The following ANGPT2 variants were observed in gnomAD, a reference collection of about 807,000 sequenced individuals.
ANGPT2 encodes the protein angiopoietin 2.
ANGPT2 carries 28 observed loss-of-function variants against 62.9 expected under a neutral mutation model. The observed-to-expected ratio is 0.44, with a 90% confidence interval of 0.33 to 0.61. ANGPT2 has a LOEUF of 0.61. ANGPT2 is among the 20% of genes least tolerant of loss of function. The probability of loss-of-function intolerance (pLI) is 0.03; values close to 1 mark genes in which losing one functional copy is unlikely to be tolerated. For synonymous variants in ANGPT2, 284 were observed against 207.8 expected, an observed-to-expected ratio of 1.37 and a Z score of -3.15; for missense variants, 727 against 594.9, an observed-to-expected ratio of 1.22 and a Z score of -2.31.
chr8:6,536,247 T>C (rs768579901), intron 1 of ANGPT2, among the ~76,000 whole-genome samples: 2 of 152,040 alleles, frequency 1.3e-5, no homozygotes, highest in African/African-American at 2.4e-5. Flanking sequence ...AGGTACTGTT[T>C]CTTGGTTGCC....
chr8:6,502,410 CA>C lies in ANGPT2; in HGVS notation c.*690del, dbSNP rs1251300755. 6.6e-6 allele frequency: 1 copy of C among 152,140 alleles called. No individual in the cohort carries two copies. The highest frequency in any genetic ancestry group is 1.5e-5 in the Non-Finnish European group (1 of 68,024). 9.4% of individuals were successfully genotyped at this position (152,140 alleles called of 1,614,324 possible). On this transcript the variant is annotated 3_prime_UTR_variant, in exon 9 of 9. Transcript: ENST00000629816. ...AATGGCACGTTTCTGTTGATAATTTCAGAGATTCTGGAAGTTTCTACCATAT... is the reference window on the plus strand; with the variant it reads ...AATGGCACGTTTCTGTTGATAATTTCGAGATTCTGGAAGTTTCTACCATAT...
Position 6,521,200 on chromosome 8 carries a change from C to T in ANGPT2, c.777G>A (p.Leu259=). ...HDLMETVNNL[L]TMMSTSNSKD... ...TACAGTTTGATGTGGACATCATAGTCAGTAAGTTATTAACTGTCTCCATGA... is the reference window on the plus strand; with the variant it reads ...TACAGTTTGATGTGGACATCATAGTTAGTAAGTTATTAACTGTCTCCATGA... The change falls in exon 4 of 9, where the codon CTG becomes CTA. Residue 259 remains leucine, a synonymous_variant. Transcript: ENST00000629816. The T allele has an allele frequency of 1.2e-6, 2 of 1,613,632 alleles. No individual in the cohort carries two copies. The highest frequency in any genetic ancestry group is 1.7e-6 in the Non-Finnish European group (2 of 1,179,748).
intron 1 of ANGPT2, among the ~76,000 whole-genome samples, chr8:6,549,272 G>A (rs1456066785): frequency 6.6e-6 from 1 of 152,200 alleles, no homozygotes; most frequent in Non-Finnish European, 1.5e-5. Flanking sequence ...AACACTGCAC[G>A]GTGATGGAAA....
chr8:6,521,856 C>A (rs1339480845), intron 3 of ANGPT2, among the ~76,000 whole-genome samples: 1 of 152,126 alleles, frequency 6.6e-6, no homozygotes, highest in Non-Finnish European at 1.5e-5. Flanking sequence ...AATATTAATC[C>A]TAATGATAAT....
intron 7 of ANGPT2, among the ~76,000 whole-genome samples, 185 bp downstream of exon 7, chr8:6,513,493 T>C (rs974655001): frequency 6.6e-5 from 10 of 151,976 alleles, no homozygotes; most frequent in African/African-American, 1.2e-4. Context: ...CCACCACACC[T>C]GGCTAATTTT....
chr8:6,531,580 C>G (rs916296637), intron 2 of ANGPT2, among the ~76,000 whole-genome samples: 2 of 152,196 alleles, frequency 1.3e-5, no homozygotes, highest in African/African-American at 4.8e-5. Context: ...GCGTGAGCTA[C>G]TGCGCCTGGC....
Position 6,562,958 on chromosome 8 carries a change from A to T in ANGPT2, c.-24T>A. ...ATTCTTTCTTCAGTAATAAACCAGCAGCTTAGCAAACTTGAGGGCAAACAC... is the reference window on the plus strand; with the variant it reads ...ATTCTTTCTTCAGTAATAAACCAGCTGCTTAGCAAACTTGAGGGCAAACAC... On this transcript the variant is annotated 5_prime_UTR_variant, in exon 1 of 9. Coordinates refer to ENST00000629816, the MANE Select transcript of ANGPT2 (RefSeq NM_001118887.2). 6.4e-7 allele frequency: 1 copy of T among 1,557,394 alleles called. No individual in the cohort carries two copies. The highest frequency in any genetic ancestry group is 8.7e-7 in the Non-Finnish European group (1 of 1,143,122).
intron 7 of ANGPT2, among the ~76,000 whole-genome samples, chr8:6,510,681 A>G (rs565895574): frequency 2.0e-5 from 3 of 152,294 alleles, no homozygotes; most frequent in African/African-American, 4.8e-5. Flanking sequence ...TTTGCACCAG[A>G]TGCAGCAAAT....
intron 7 of ANGPT2, among the ~76,000 whole-genome samples, chr8:6,509,635 G>A (rs1171096572): frequency 5.3e-5 from 8 of 152,178 alleles, no homozygotes; most frequent in South Asian, 2.1e-4. Flanking sequence ...AACAAATGTC[G>A]GAGTAAGTTA....
chr8:6,555,099 A>G (rs907365854), intron 1 of ANGPT2, among the ~76,000 whole-genome samples: 1 of 152,138 alleles, frequency 6.6e-6, no homozygotes, highest in Non-Finnish European at 1.5e-5. Context: ...ATTCTAAACC[A>G]CTACCCATGA....
At chr8:6,531,908 T>C (rs2129571729) in intron 2 of ANGPT2, among the ~76,000 whole-genome samples, 1 of 152,334 alleles carries the variant, frequency 6.6e-6, no homozygotes, top group African/African-American at 2.4e-5. Context: ...GGTTTTATCT[T>C]AACTCAAGAG....
At chr8:6,539,447 G>A (rs1433794039) in intron 1 of ANGPT2, among the ~76,000 whole-genome samples, 1 of 152,086 alleles carries the variant, frequency 6.6e-6, no homozygotes, top group African/African-American at 2.4e-5. Context: ...TTCCTAGTGG[G>A]TATTGTGACT....
chr8:6,499,678 T>A lies in ANGPT2; in HGVS notation c.*3423A>T, dbSNP rs1811772583. The A allele has an allele frequency of 1.7e-6, 1 of 594,086 alleles. No homozygotes were observed. Among genetic ancestry groups the A allele is most frequent in the Non-Finnish European group, 3.0e-6 (1 of 333,538 alleles). The allele number at this position is 594,086 out of a possible 1,614,324, so 36.8% of individuals were successfully genotyped here. A position where few individuals can be genotyped will look rare whatever the true frequency, so the allele number is the denominator to read the frequency against. ...TTTCTCAATCAACTTTTTATTAATA[T>A]TCATAACATTTATGCAACATGAAGA... On this transcript the variant is annotated 3_prime_UTR_variant, in exon 9 of 9. Coordinates refer to ENST00000629816, the MANE Select transcript of ANGPT2 (RefSeq NM_001118887.2).
Position 6,550,240 on chromosome 8 carries a change from C to T in ANGPT2, c.288+12407G>A, listed in dbSNP as rs138411108. Among the ~76,000 whole-genome samples the T allele has an allele frequency of 4.6e-5, 7 of 152,352 alleles. No individual in the cohort carries two copies. The East Asian group carries it at 7.7e-4, about 17-fold the overall frequency. ...ACCGCTAGGTGGCTGCGAAGGGTGG[C>T]GGCGTCACTGATGCGCAGCTCAGGC... On this transcript the variant is annotated intron_variant, in intron 1 of 8. Transcript: ENST00000629816.
chr8:6,513,013 G>T (rs915669434), intron 7 of ANGPT2, among the ~76,000 whole-genome samples: 2 of 152,164 alleles, frequency 1.3e-5, no homozygotes, highest in African/African-American at 2.4e-5. Context: ...AAACAGCACA[G>T]TCACAAGTAT....
intron 7 of ANGPT2, among the ~76,000 whole-genome samples, chr8:6,510,285 G>T (rs1417260091): frequency 1.3e-5 from 2 of 151,968 alleles, no homozygotes; most frequent in African/African-American, 4.8e-5. Context: ...TGGCACGTTG[G>T]GTCCTCACGT....
Position 6,526,790 on chromosome 8 carries a change from G to A in ANGPT2, c.566+765C>T, listed in dbSNP as rs564985106. Among the ~76,000 whole-genome samples, 146 of 152,230 alleles carry A rather than the reference G, an allele frequency of 9.6e-4. 3 individuals are homozygous for A. Among genetic ancestry groups the A allele is most frequent in the Non-Finnish European group, 1.2e-4 (8 of 67,996 alleles). On this transcript the variant is annotated intron_variant, in intron 3 of 8. Coordinates refer to ENST00000629816, the MANE Select transcript of ANGPT2 (RefSeq NM_001118887.2). ...TATACATGTCTTCATTAAAAACAAG[G>A]AAATAGGCACACCAGGTATGTGCAT...
At chr8:6,535,420 A>C (rs1820300829) in intron 1 of ANGPT2, among the ~76,000 whole-genome samples, 1 of 152,230 alleles carries the variant, frequency 6.6e-6, no homozygotes, top group African/African-American at 2.4e-5. Context: ...TAAACATAAA[A>C]ACAATAGAAT....
Position 6,515,136 on chromosome 8 carries a change from C to T in ANGPT2, c.928-358G>A, listed in dbSNP as rs187669618. Among the ~76,000 whole-genome samples the T allele has an allele frequency of 2.0e-3, 303 of 152,122 alleles. 9 individuals are homozygous for T. The South Asian group carries it at 0.041, about 20-fold the overall frequency. On this transcript the variant is annotated intron_variant, in intron 5 of 8. Transcript: ENST00000629816. ...ATGGCACATTTTGGCAGATTGGCCC[C>T]GAACCCCACATCTCCATCCTGTAGA...
Sources: gnomAD v4.1 joint callset for allele counts (sites outside exome capture counted in the v4.1 genomes callset) on GRCh38, gnomAD v4.1.1 for gene constraint, MANE v1.5 for transcripts, NCBI Gene and HGNC (gene_info 2026-07-23, HGNC 2026-07-21) for gene names.